PTPRR: variants seen among roughly 807,000 people sequenced by gnomAD.
PTPRR encodes the protein receptor-type tyrosine-protein phosphatase R.
PTPRR carries 38 observed loss-of-function variants against 77.2 expected under a neutral mutation model. The observed-to-expected ratio is 0.49, with a 90% confidence interval of 0.38 to 0.65. The LOEUF (loss-of-function observed/expected upper bound fraction) is 0.65. Ranked by LOEUF, PTPRR falls within the 30% of genes least tolerant of loss-of-function variation. PTPRR has a pLI of 0.00. For missense variants in PTPRR, 744 were observed against 799.2 expected (o/e 0.93, Z 0.83); for synonymous variants, 299 against 283.1 (o/e 1.06, Z -0.57).
At chr12:70,848,815 C>T (rs1892527205) in intron 2 of PTPRR, among the ~76,000 whole-genome samples, 1 of 152,164 alleles carries the variant, frequency 6.6e-6, no homozygotes, top group African/African-American at 2.4e-5. Flanking sequence ...CTTAGAGTTA[C>T]AATTTGAATC....
chr12:70,661,014 G>A lies in PTPRR; in HGVS notation c.1692C>T (p.Leu564=), dbSNP rs1318930624. 1 of 1,613,722 alleles carries A rather than the reference G, an allele frequency of 6.2e-7. No homozygotes were observed. The highest frequency in any genetic ancestry group is 2.2e-5 in the East Asian group (1 of 44,872). Residue 564 remains leucine, a synonymous_variant, in exon 12 of 14, where the codon CTC becomes CTT. Coordinates refer to ENST00000283228, the MANE Select transcript of PTPRR (RefSeq NM_002849.4). ...CTTCTACATCCAGCATGAGCTGTAGGAGGGGCTGGGCACTGTCTGGAGTCT... is the reference window on the plus strand; with the variant it reads ...CTTCTACATCCAGCATGAGCTGTAGAAGGGGCTGGGCACTGTCTGGAGTCT... ...DHKTPDSAQP[L]LQLMLDVEED... is the part of the protein sequence containing the mutation.
chr12:70,863,548 TTATAAA>T (rs1473164493), intron 2 of PTPRR, among the ~76,000 whole-genome samples: 1 of 152,164 alleles, frequency 6.6e-6, no homozygotes, highest in African/African-American at 2.4e-5. Context: ...AGGAAGCATA[TTATAAA>T]TATAAGTATG....
intron 4 of PTPRR, among the ~76,000 whole-genome samples, chr12:70,759,699 A>C (rs1320829505): frequency 2.0e-5 from 3 of 150,494 alleles, no homozygotes; most frequent in South Asian, 2.1e-4. Context: ...AAAAAAAAAA[A>C]AAAAAAACAA....
intron 4 of PTPRR, among the ~76,000 whole-genome samples, chr12:70,756,948 T>G (rs1159969094): frequency 2.0e-5 from 3 of 152,178 alleles, no homozygotes; most frequent in Non-Finnish European, 2.9e-5. Flanking sequence ...GTTAATTTGA[T>G]TGACTTGGCA....
At chr12:70,742,053 A>T (rs1890065332) in intron 6 of PTPRR, among the ~76,000 whole-genome samples, 1 of 152,238 alleles carries the variant, frequency 6.6e-6, no homozygotes, top group Admixed American at 6.5e-5. Flanking sequence ...ATGAATAGCA[A>T]CAGGGAACAA....
At chr12:70,847,270 G>T (rs766788742) in intron 2 of PTPRR, among the ~76,000 whole-genome samples, 3 of 152,128 alleles carry the variant, frequency 2.0e-5, no homozygotes, top group Non-Finnish European at 4.4e-5. Context: ...TGCCTGGCTT[G>T]GAGTAGCTGG....
At chr12:70,894,071 G>A (rs1169120461) in intron 1 of PTPRR, among the ~76,000 whole-genome samples, 1 of 151,742 alleles carries the variant, frequency 6.6e-6, no homozygotes, top group Admixed American at 6.6e-5. Context: ...GCAAACATGA[G>A]ATCTGTTTTA....
chr12:70,687,201 G>A, intron 8 of PTPRR, among the ~76,000 whole-genome samples: 1 of 151,682 alleles, frequency 6.6e-6, no homozygotes, highest in Non-Finnish European at 1.5e-5. Context: ...GAAGCAGAGA[G>A]TTGAAACCAG....
chr12:70,757,498 T>C (rs1324717554), intron 4 of PTPRR, among the ~76,000 whole-genome samples: 1 of 152,182 alleles, frequency 6.6e-6, no homozygotes, highest in African/African-American at 2.4e-5. Flanking sequence ...AGATATCATA[T>C]ACAAATATAT....
intron 1 of PTPRR, among the ~76,000 whole-genome samples, chr12:70,897,438 A>G (rs1893450195): frequency 6.6e-6 from 1 of 151,996 alleles, no homozygotes. Flanking sequence ...AGAAATGCAA[A>G]TCAAAACCAC....
At chr12:70,824,276 C>CCA (rs1329289875) in intron 2 of PTPRR, among the ~76,000 whole-genome samples, 1 of 152,146 alleles carries the variant, frequency 6.6e-6, no homozygotes, top group Admixed American at 6.5e-5. Context: ...ATGGCACCTA[C>CCA]CATATAGTAA....
At chr12:70,909,879 T>G (rs375802021) in intron 1 of PTPRR, among the ~76,000 whole-genome samples, 92 of 152,172 alleles carry the variant, frequency 6.0e-4, no homozygotes, top group African/African-American at 1.9e-3. Flanking sequence ...TTAGAGGTTT[T>G]TTTTCTCTTA....
intron 6 of PTPRR, among the ~76,000 whole-genome samples, chr12:70,734,993 C>T (rs1889812375): frequency 6.6e-6 from 1 of 152,082 alleles, no homozygotes; most frequent in Non-Finnish European, 1.5e-5. Context: ...AAAACTTTTG[C>T]CTCCTTTTTC....
chr12:70,755,665 C>T (rs1267539648), intron 4 of PTPRR, among the ~76,000 whole-genome samples: 3 of 152,072 alleles, frequency 2.0e-5, no homozygotes, highest in Non-Finnish European at 4.4e-5. Context: ...GGCCTACTTT[C>T]TAAGACATAG....
chr12:70,680,954 G>A (rs1887634510), intron 10 of PTPRR, among the ~76,000 whole-genome samples: 1 of 151,906 alleles, frequency 6.6e-6, no homozygotes, highest in South Asian at 2.1e-4. Flanking sequence ...GACTGCTCAT[G>A]AGGCCAGTTT....
chr12:70,710,129 T>C (rs551801636), intron 6 of PTPRR, among the ~76,000 whole-genome samples: 27 of 152,230 alleles, frequency 1.8e-4, no homozygotes, highest in African/African-American at 6.5e-4. Flanking sequence ...GCTGGAGGCA[T>C]CATGCTACCT....
At chr12:70,660,606 T>TG (rs1886762625) in intron 12 of PTPRR, among the ~76,000 whole-genome samples, 1 of 152,238 alleles carries the variant, frequency 6.6e-6, no homozygotes, top group Non-Finnish European at 1.5e-5. Context: ...TCTTTATTCC[T>TG]GGTGTGTACA....
chr12:70,772,553 T>C (rs1246897066), intron 2 of PTPRR, among the ~76,000 whole-genome samples: 4 of 152,066 alleles, frequency 2.6e-5, no homozygotes, highest in Non-Finnish European at 5.9e-5. Context: ...ATTTGGAAAG[T>C]CAAAAGAGGT....
intron 10 of PTPRR, among the ~76,000 whole-genome samples, chr12:70,667,147 G>A (rs1046038744): frequency 2.0e-5 from 3 of 151,526 alleles, no homozygotes; most frequent in Admixed American, 6.6e-5. Context: ...TAGTAGAGAC[G>A]GAGTTTCACC....
Sources: gnomAD v4.1 joint callset for allele counts (sites outside exome capture counted in the v4.1 genomes callset) on GRCh38, gnomAD v4.1.1 for gene constraint, MANE v1.5 for transcripts, NCBI Gene and HGNC (gene_info 2026-07-23, HGNC 2026-07-21) for gene names.